The following TENM4 variants were observed in gnomAD, a reference collection of about 807,000 sequenced individuals.
TENM4 encodes the protein teneurin transmembrane protein 4.
TENM4 carries 82 observed loss-of-function variants against 243.3 expected under a neutral mutation model. That is an observed-to-expected ratio of 0.34 (90% confidence interval 0.28 to 0.40). The LOEUF (loss-of-function observed/expected upper bound fraction) is 0.40, where lower values mean the gene tolerates loss of function less well. TENM4 is among the 10% of genes least tolerant of loss of function. The pLI is 1.00. For synonymous variants in TENM4, 1,412 were observed against 1,456.3 expected, an observed-to-expected ratio of 0.97 and a Z score of 0.69; for missense variants, 3,138 against 3,673.3, an observed-to-expected ratio of 0.85 and a Z score of 3.77.
intron 1 of TENM4, among the ~76,000 whole-genome samples, chr11:79,423,731 G>T (rs113107576): frequency 6.6e-6 from 1 of 152,134 alleles, no homozygotes; most frequent in African/African-American, 2.4e-5. Flanking sequence ...AGGAGCTGAG[G>T]ATTTAGAAGA....
At chr11:79,086,451 T>C (rs1320600568) in intron 4 of TENM4, among the ~76,000 whole-genome samples, 1 of 152,250 alleles carries the variant, frequency 6.6e-6, no homozygotes. Flanking sequence ...ATATGTTATA[T>C]AGCAAAGGCT....
chr11:78,783,341 C>T (rs1856873467), intron 16 of TENM4, among the ~76,000 whole-genome samples: 1 of 152,186 alleles, frequency 6.6e-6, no homozygotes, highest in Non-Finnish European at 1.5e-5. Context: ...CTTAGCCTGA[C>T]TTCTGGACTA....
intron 15 of TENM4, among the ~76,000 whole-genome samples, chr11:78,795,071 G>T (rs1857135805): frequency 6.6e-6 from 1 of 152,038 alleles, no homozygotes; most frequent in South Asian, 2.1e-4. Flanking sequence ...CCATAGTCTG[G>T]GCTCCTTTAC....
chr11:79,281,740 A>G (rs934050628), intron 2 of TENM4, among the ~76,000 whole-genome samples: 3 of 152,206 alleles, frequency 2.0e-5, no homozygotes, highest in African/African-American at 4.8e-5. Flanking sequence ...ACCAAATCTC[A>G]TATCAATTCT....
At chr11:78,676,581 T>C (rs1373399201) in intron 29 of TENM4, among the ~76,000 whole-genome samples, 194 bp from the exon 30 acceptor site, 1 of 152,224 alleles carries the variant, frequency 6.6e-6, no homozygotes, top group Non-Finnish European at 1.5e-5. Flanking sequence ...AAAACCATTG[T>C]AAATATTTTG....
intron 1 of TENM4, among the ~76,000 whole-genome samples, chr11:79,357,022 A>T (rs1857508314): frequency 6.6e-6 from 1 of 152,048 alleles, no homozygotes; most frequent in African/African-American, 2.4e-5. Context: ...CAACAAGAAA[A>T]ATCTGTCCCA....
intron 2 of TENM4, among the ~76,000 whole-genome samples, chr11:79,261,056 G>A (rs528262547): frequency 1.3e-4 from 20 of 152,326 alleles, no homozygotes; most frequent in African/African-American, 4.6e-4. Flanking sequence ...ATAATTGAGT[G>A]ACAATTTGCC....
At position 78,688,169 on chromosome 11, in the gene TENM4, A is replaced by G. The variant is rs1246772103; in HGVS notation, c.5145T>C (p.Ser1715=). Reference sequence around the variant, plus strand: ...CTGAACTGTCTGTATCACTTCGGAAACTGCTCACCTGGCCAGTAGGGAAGG... The same window carrying G: ...CTGAACTGTCTGTATCACTTCGGAAGCTGCTCACCTGGCCAGTAGGGAAGG... The part of the protein sequence containing the change: ...NVTFPTGQVS[S]FRSDTDSSVH... Residue 1715 remains serine (S), a synonymous_variant, in exon 29 of 34, where the codon AGT becomes AGC. Transcript: ENST00000278550. The G allele has an allele frequency of 6.2e-7, 1 of 1,613,778 alleles. No individual in the cohort carries two copies. The highest frequency in any genetic ancestry group is 1.7e-5 in the Admixed American group (1 of 60,016).
At chr11:78,863,258 C>T (rs1353570083) in intron 9 of TENM4, 126 bp from the exon 10 acceptor site, 4 of 1,079,598 alleles carry the variant, frequency 3.7e-6, no homozygotes, top group Non-Finnish European at 5.0e-6. Context: ...CAAGTAGCCC[C>T]AAAAGGAAGC....
chr11:79,227,604 G>A (rs182427066), intron 2 of TENM4, among the ~76,000 whole-genome samples: 34 of 152,298 alleles, frequency 2.2e-4, no homozygotes, highest in African/African-American at 7.7e-4. Context: ...TGTGAGACTG[G>A]GGAGGCAGCC....
At chr11:78,723,415 G>A (rs117300265) in intron 23 of TENM4, among the ~76,000 whole-genome samples, 2,133 of 152,320 alleles carry the variant, frequency 0.014, 22 homozygotes, top group Non-Finnish European at 0.02. Flanking sequence ...AGTGCTTAGC[G>A]CAGAGCTTGA....
intron 31 of TENM4, 102 bp downstream of exon 31, chr11:78,671,931 A>C (rs1747664729): frequency 7.2e-7 from 1 of 1,387,732 alleles, no homozygotes; most frequent in East Asian, 2.5e-5. Flanking sequence ...TTTTGGTGAC[A>C]TGGGTCAGAT....
At chr11:78,712,173 A>T (rs1420363698) in intron 26 of TENM4, among the ~76,000 whole-genome samples, 1 of 152,250 alleles carries the variant, frequency 6.6e-6, no homozygotes, top group Non-Finnish European at 1.5e-5. Flanking sequence ...GAAACAATTT[A>T]ATGACATGGA....
intron 7 of TENM4, among the ~76,000 whole-genome samples, chr11:78,893,744 C>T (rs1034215467): frequency 2.9e-5 from 4 of 139,162 alleles, no homozygotes; most frequent in African/African-American, 1.2e-4. Flanking sequence ...CCCAATCACT[C>T]CCTGGCCCCT....
chr11:79,109,632 G>A (rs1312307304), intron 4 of TENM4, among the ~76,000 whole-genome samples: 2 of 152,260 alleles, frequency 1.3e-5, no homozygotes, highest in Non-Finnish European at 2.9e-5. Context: ...TTATGTTCCT[G>A]CATGTAAAAT....
chr11:79,308,328 G>A (rs1322092448), intron 1 of TENM4, among the ~76,000 whole-genome samples: 5 of 152,150 alleles, frequency 3.3e-5, no homozygotes, highest in Non-Finnish European at 5.9e-5. Context: ...ATGTTAAAAT[G>A]AAAAATTTGT....
At chr11:78,713,613 A>G (rs1859451013) in intron 25 of TENM4, among the ~76,000 whole-genome samples, 1 of 152,218 alleles carries the variant, frequency 6.6e-6, no homozygotes, top group Non-Finnish European at 1.5e-5. Context: ...TGAGCCTCGA[A>G]TAGTCCTTAT....
At position 78,882,211 on chromosome 11, in the gene TENM4, A is replaced by G. The variant is rs558969506; in HGVS notation, c.1084+7574T>C. On this transcript the variant is annotated intron_variant, in intron 9 of 33. Coordinates refer to ENST00000278550, the MANE Select transcript of TENM4 (RefSeq NM_001098816.3). Reference sequence around the variant, plus strand: ...TGAGGCAACAGCATCTGAGATCCTGATATTGTATGAGCTGAGCCAGATGGA... The same window carrying G: ...TGAGGCAACAGCATCTGAGATCCTGGTATTGTATGAGCTGAGCCAGATGGA... 3.9e-5 allele frequency among the ~76,000 whole-genome samples: 6 copies of G among 152,302 alleles called. No individual in the cohort carries two copies. In the South Asian group the frequency reaches 1.0e-3, roughly 26 times the overall value.
intron 12 of TENM4, among the ~76,000 whole-genome samples, chr11:78,831,028 C>G (rs1167715577): frequency 3.9e-5 from 6 of 152,152 alleles, no homozygotes; most frequent in African/African-American, 1.4e-4. Context: ...TAACTCTTAC[C>G]CCAGCATTAA....
Sources: gnomAD v4.1 joint callset for allele counts (sites outside exome capture counted in the v4.1 genomes callset) on GRCh38, gnomAD v4.1.1 for gene constraint, MANE v1.5 for transcripts, NCBI Gene and HGNC (gene_info 2026-07-23, HGNC 2026-07-21) for gene names.